Variants in DKKL1 observed in about 807,000 individuals in gnomAD.
DKKL1 encodes dickkopf-like protein 1.
In DKKL1, 11 loss-of-function variants were observed where a neutral mutation model predicts 16.5. The observed-to-expected ratio is 0.67, with a 90% CI of 0.42 to 1.10. The LOEUF (loss-of-function observed/expected upper bound fraction) is 1.10, where lower values mean the gene tolerates loss of function less well. Ranked by LOEUF, DKKL1 falls within the 50% of genes least tolerant of loss-of-function variation. The pLI, the probability that DKKL1 is intolerant of heterozygous loss-of-function variation, is 0.00. For missense variants in DKKL1, 320 were observed against 308.1 expected, an observed-to-expected ratio of 1.04 and a Z score of -0.29; for synonymous variants, 119 against 133.2, an observed-to-expected ratio of 0.89 and a Z score of 0.73.
Position 49,374,710 on chromosome 19 carries a change from T to C in DKKL1, c.418-7T>C. On this transcript the variant is annotated splice_region_variant and splice_polypyrimidine_tract_variant and intron_variant, in intron 4 of 4. Coordinates refer to ENST00000221498, the MANE Select transcript of DKKL1 (RefSeq NM_014419.4). ...TATGAGAGGGTCTCCTTGTTCTTCC[T>C]CCCCAGGTACCCAGGATGGAGGAGA... 2 of 1,518,866 alleles carry C rather than the reference T, an allele frequency of 1.3e-6. No homozygotes were observed. Among genetic ancestry groups the C allele is most frequent in the Non-Finnish European group, 1.8e-6 (2 of 1,132,946 alleles). 94.1% of individuals were successfully genotyped at this position (1,518,866 alleles called of 1,614,324 possible). A position where few individuals can be genotyped will look rare whatever the true frequency, so the allele number is the denominator to read the frequency against.
chr19:49,374,111 A>T (rs1485441180), intron 4 of DKKL1, among the ~76,000 whole-genome samples: 2 of 151,854 alleles, frequency 1.3e-5, no homozygotes, highest in African/African-American at 4.8e-5. Context: ...CAGCCTCCCG[A>T]GTAGCTGGGA....
intron 4 of DKKL1, among the ~76,000 whole-genome samples, chr19:49,374,240 C>A (rs1973632404): frequency 6.6e-6 from 1 of 152,318 alleles, no homozygotes; most frequent in Non-Finnish European, 1.5e-5. Flanking sequence ...CCAGCCTCGG[C>A]CTCCCACAGT....
intron 4 of DKKL1, 46 bp downstream of exon 4, chr19:49,365,931 C>CT: frequency 1.3e-6 from 2 of 1,556,292 alleles, no homozygotes; most frequent in Non-Finnish European, 1.7e-6. Context: ...CAAACATTTT[C>CT]TTTTTTTCTT....
Position 49,363,920 on chromosome 19 carries a change from T to C in DKKL1, c.-79T>C, listed in dbSNP as rs986103744. The C allele has an allele frequency of 4.7e-5, 74 of 1,587,736 alleles. No individual in the cohort carries two copies. The highest frequency in any genetic ancestry group is 3.0e-4 in the Admixed American group (17 of 56,048). On this transcript the variant is annotated 5_prime_UTR_variant, in exon 1 of 5. Coordinates refer to ENST00000221498, the MANE Select transcript of DKKL1 (RefSeq NM_014419.4). ...ATAACTGTTTGGCTTTAACAGTACG[T>C]GGGCGGCCGGAATCCGGGAGTCCGG...
chr19:49,364,440 GAAGA>G, intron 1 of DKKL1, 138 bp from the exon 2 acceptor site: 1 of 671,248 alleles, frequency 1.5e-6, no homozygotes, highest in Non-Finnish European at 2.5e-6. Context: ...TGTGGGAGTA[GAAGA>G]AAGAAGCAGT....
upstream of DKKL1, among the ~76,000 whole-genome samples, chr19:49,360,730 G>A (rs1242614054): frequency 2.2e-5 from 2 of 92,268 alleles, no homozygotes; most frequent in African/African-American, 7.5e-5. Context: ...GGTCTAGAGA[G>A]AGGGGGACAG....
At chr19:49,363,767 T>C, upstream of DKKL1, 1 of 603,722 alleles carries the variant, frequency 1.7e-6, no homozygotes, top group Non-Finnish European at 3.0e-6. Context: ...ACCAAGGGCG[T>C]GGTCATGGAG....
chr19:49,369,566 C>T (rs979562622), intron 4 of DKKL1: 1 of 152,216 alleles, frequency 6.6e-6, no homozygotes, highest in African/African-American at 2.4e-5. Flanking sequence ...GGGGAATCAC[C>T]TGCCACATGC....
chr19:49,365,424 G>A (rs1306863039), intron 2 of DKKL1, 85 bp from the exon 3 acceptor site: 19 of 1,457,326 alleles, frequency 1.3e-5, no homozygotes, highest in South Asian at 1.6e-5. Flanking sequence ...GCAAGGCCTC[G>A]GGAGCATCCT....
chr19:49,361,226 A>C (rs1972891716), upstream of DKKL1, among the ~76,000 whole-genome samples: 5 of 126,938 alleles, frequency 3.9e-5, no homozygotes, highest in Admixed American at 4.1e-4. Flanking sequence ...CCAGAGAGAG[A>C]GGGTGACAGA....
chr19:49,374,962 C>A lies in DKKL1; in HGVS notation c.663C>A (p.Ser221=), dbSNP rs1284100677. The change falls in exon 5 of 5, where the codon TCC becomes TCA. Residue 221 remains serine, a synonymous_variant. Transcript: ENST00000221498. ...DVLEEGTESS[S]HSRLSPRKTH... Reference sequence around the variant, plus strand: ...TAGAAGAGGGGACCGAGAGCTCCTCCCACTCCAGGCTGTCCCCCCGAAAGA... The same window carrying A: ...TAGAAGAGGGGACCGAGAGCTCCTCACACTCCAGGCTGTCCCCCCGAAAGA... 2.5e-6 allele frequency: 4 copies of A among 1,613,498 alleles called. No homozygotes were observed. The highest frequency in any genetic ancestry group is 3.4e-6 in the Non-Finnish European group (4 of 1,179,834).
At chr19:49,368,814 C>CT (rs1163051511) in intron 4 of DKKL1, 2 of 152,186 alleles carry the variant, frequency 1.3e-5, no homozygotes, top group Non-Finnish European at 2.9e-5. Context: ...TAAGTACCTT[C>CT]TGTGTCCTTG....
In DKKL1 at chr19:49,363,894, C is replaced by T; in HGVS notation, c.-105C>T. The T allele has an allele frequency of 6.7e-7, 1 of 1,497,934 alleles. No homozygotes were observed. The highest frequency in any genetic ancestry group is 9.1e-7 in the Non-Finnish European group (1 of 1,097,118). The allele number at this position is 1,497,934 out of a possible 1,614,324, so 92.8% of individuals were successfully genotyped here. ...TCTAGACCAGACCTGGGCTCGAGAC[C>T]ATAACTGTTTGGCTTTAACAGTACG... On this transcript the variant is annotated 5_prime_UTR_variant, in exon 1 of 5. Coordinates refer to ENST00000221498, the MANE Select transcript of DKKL1 (RefSeq NM_014419.4).
intron 1 of DKKL1, among the ~76,000 whole-genome samples, chr19:49,364,357 A>AC (rs921573041): frequency 1.3e-5 from 2 of 151,726 alleles, no homozygotes; most frequent in African/African-American, 4.8e-5. Context: ...CAAAAAAAAA[A>AC]AAAAAAAAGC....
In DKKL1 at chr19:49,364,586, C is replaced by T. The variant is rs1160177243; in HGVS notation, c.15C>T (p.Ser5=). 4 of 1,609,714 alleles carry T rather than the reference C, an allele frequency of 2.5e-6. No homozygotes were observed. The highest frequency in any genetic ancestry group is 3.4e-6 in the Non-Finnish European group (4 of 1,178,560). The stretch of plus-strand genomic sequence containing the variant: ...TGACCCCGACCCTTGCCACAGCCTC[C>T]CCACCTGCCCCCGCAAGGCGGCATC... The part of the protein sequence containing the change: MGEA[S]PPAPARRHLL... The change falls in exon 2 of 5, where the codon TCC becomes TCT. Residue 5 remains serine, a synonymous_variant. Coordinates refer to ENST00000221498, the MANE Select transcript of DKKL1 (RefSeq NM_014419.4).
rs757767147 is a variant in DKKL1 at position 49,374,990 on chromosome 19, C to A, written c.691C>A (p.His231Asn). ...SHSRLSPRKT[H>N]LLYILRPSRQ... ...CTCCAGGCTGTCCCCCCGAAAGACCCACTTACTGTACATCCTCAGGCCCTC... is the reference window on the plus strand; with the variant it reads ...CTCCAGGCTGTCCCCCCGAAAGACCAACTTACTGTACATCCTCAGGCCCTC... The change falls in exon 5 of 5, where the codon CAC becomes AAC. Residue 231 changes from histidine (H) to asparagine (N), a missense_variant. By Grantham distance (68) the His-to-Asn change is moderately conservative. Transcript: ENST00000221498. 6.2e-7 allele frequency: 1 copy of A among 1,613,072 alleles called. No individual in the cohort carries two copies. The highest frequency in any genetic ancestry group is 1.1e-5 in the South Asian group (1 of 90,958).
chr19:49,370,765 T>G (rs1327309696), intron 4 of DKKL1: 1 of 152,018 alleles, frequency 6.6e-6, no homozygotes, highest in Admixed American at 6.5e-5. Flanking sequence ...GAAGGCACCC[T>G]AGGGAGTCCA....
upstream of DKKL1, among the ~76,000 whole-genome samples, chr19:49,362,904 G>T (rs1973051446): frequency 6.8e-6 from 1 of 147,842 alleles, no homozygotes; most frequent in Non-Finnish European, 1.5e-5. Flanking sequence ...TTTCTGTTTG[G>T]TTTTTGGTTT....
intron 4 of DKKL1, 55 bp from the exon 5 acceptor site, chr19:49,374,662 C>A: frequency 6.7e-7 from 1 of 1,489,436 alleles, no homozygotes; most frequent in Middle Eastern, 1.8e-4. Context: ...TGGGGACTGA[C>A]CATCCTGGGG....
Sources: allele counts gnomAD v4.1 joint callset (sites outside exome capture counted in the v4.1 genomes callset), GRCh38; gene constraint gnomAD v4.1.1; transcripts MANE v1.5; gene names NCBI Gene and HGNC (gene_info 2026-07-23, HGNC 2026-07-21).